GNB5: variants seen among roughly 807,000 people sequenced by gnomAD.
The protein encoded by GNB5 is G protein subunit beta 5.
Under a neutral mutation model 55.3 loss-of-function variants are expected in GNB5, and 37 were observed. That is an observed-to-expected ratio of 0.67 (90% CI 0.51 to 0.88). The LOEUF (loss-of-function observed/expected upper bound fraction) is 0.88, where lower values mean the gene tolerates loss of function less well. GNB5 is among the 40% of genes least tolerant of loss of function. The probability of loss-of-function intolerance (pLI) is 0.00; values close to 1 mark genes in which losing one functional copy is unlikely to be tolerated. For missense variants in GNB5, 476 were observed against 515.3 expected (o/e 0.92, Z 0.74); for synonymous variants, 219 against 198.5 (o/e 1.10, Z -0.87).
intron 7 of GNB5, chr15:52,139,886 G>A: frequency 1.6e-6 from 2 of 1,286,798 alleles, no homozygotes. Flanking sequence ...CTCCACAGAG[G>A]GGCTTCAGAT....
intron 7 of GNB5, chr15:52,137,788 T>G: frequency 8.0e-7 from 1 of 1,244,344 alleles, no homozygotes; most frequent in South Asian, 1.4e-5. Context: ...TGGAGCCAGC[T>G]GGGTACTGAC....
intron 3 of GNB5, among the ~76,000 whole-genome samples, chr15:52,163,378 G>A (rs1230871241): frequency 2.0e-5 from 3 of 152,172 alleles, no homozygotes; most frequent in Non-Finnish European, 2.9e-5. Context: ...GCTAAGCACC[G>A]TCGTTCAGCG....
rs974468499 is a variant in GNB5, at chr15:52,118,818, C to G, written c.*3939G>C. 7.0e-6 allele frequency: 1 copy of G among 143,854 alleles called. No homozygotes were observed. Among genetic ancestry groups the G allele is most frequent in the Non-Finnish European group, 1.5e-5 (1 of 67,480 alleles). 8.9% of individuals were successfully genotyped at this position (143,854 alleles called of 1,614,324 possible). Reference sequence around the variant, plus strand: ...CAGGAGGCGGAGGTTGAAGTGAGCCCGAGATCGCGCCACTGCACTCCAGCC... The same window carrying G: ...CAGGAGGCGGAGGTTGAAGTGAGCCGGAGATCGCGCCACTGCACTCCAGCC... On this transcript the variant is annotated 3_prime_UTR_variant, in exon 13 of 13. Transcript: ENST00000261837.
intron 12 of GNB5, chr15:52,123,761 T>C: frequency 6.6e-6 from 1 of 152,316 alleles, no homozygotes; most frequent in Non-Finnish European, 1.5e-5. Context: ...CAGGCTGGTC[T>C]GGAACTCCTG....
At chr15:52,163,832 G>C (rs1228276049) in intron 3 of GNB5, among the ~76,000 whole-genome samples, 1 of 152,216 alleles carries the variant, frequency 6.6e-6, no homozygotes, top group Non-Finnish European at 1.5e-5. Flanking sequence ...GTTCCAGCTG[G>C]CATCAGGTTG....
intron 7 of GNB5, chr15:52,140,006 G>A (rs1402664027): frequency 5.9e-6 from 7 of 1,191,420 alleles, no homozygotes; most frequent in Non-Finnish European, 7.5e-6. Context: ...CACTGCACCA[G>A]TCAGTGGCCA....
intron 3 of GNB5, among the ~76,000 whole-genome samples, chr15:52,176,952 C>G (rs1384244617): frequency 6.6e-5 from 10 of 152,094 alleles, no homozygotes; most frequent in African/African-American, 2.4e-4. Flanking sequence ...TCCAGACACA[C>G]CTGCCTCCTC....
chr15:52,172,850 G>A (rs76308537), intron 3 of GNB5, among the ~76,000 whole-genome samples: 4,024 of 152,186 alleles, frequency 0.026, 73 homozygotes, highest in Middle Eastern at 0.051. Context: ...AGTTCCTTGC[G>A]TATCCTTCCA....
At chr15:52,127,473 T>A (rs1014711019) in intron 10 of GNB5, among the ~76,000 whole-genome samples, 14 of 152,134 alleles carry the variant, frequency 9.2e-5, no homozygotes, top group Non-Finnish European at 1.8e-4. Context: ...CCATATATAT[T>A]TGTTATAATT....
At chr15:52,178,180 C>CT (rs2034689605) in intron 3 of GNB5, among the ~76,000 whole-genome samples, 1 of 152,230 alleles carries the variant, frequency 6.6e-6, no homozygotes, top group Non-Finnish European at 1.5e-5. Context: ...AGCTGGCACT[C>CT]TGATTGCCTG....
Position 52,177,028 on chromosome 15 carries a change from C to CTTTTT in GNB5, c.238+2735_238+2739dup, listed in dbSNP as rs545411940. Among the ~76,000 whole-genome samples, 250 of 77,834 alleles carry CTTTTT rather than the reference C, an allele frequency of 3.2e-3. 3 individuals are homozygous for CTTTTT. Among genetic ancestry groups the CTTTTT allele is most frequent in the African/African-American group, 3.6e-3 (73 of 20,092 alleles). 51.1% of individuals were successfully genotyped at this position (77,834 alleles called of 152,430 possible). A position where few individuals can be genotyped will look rare whatever the true frequency, so the allele number is the denominator to read the frequency against. Reference sequence around the variant, plus strand: ...TCCTGGGGCCTCTGCCTAGCTCCTCCTTTTTTTTTTTTTTTTTTTTTTTTG... The same window carrying CTTTTT: ...TCCTGGGGCCTCTGCCTAGCTCCTCCTTTTTTTTTTTTTTTTTTTTTTTTTTTTTG... On this transcript the variant is annotated intron_variant, in intron 3 of 12. Coordinates refer to ENST00000261837, the MANE Select transcript of GNB5 (RefSeq NM_016194.4).
chr15:52,142,519 G>A (rs1208317267), intron 6 of GNB5, among the ~76,000 whole-genome samples: 1 of 150,058 alleles, frequency 6.7e-6, no homozygotes, highest in Non-Finnish European at 1.5e-5. Context: ...TACATTTGAT[G>A]CTCAAATTAC....
At position 52,180,007 on chromosome 15, in the gene GNB5, C is replaced by T. The variant is rs1183400842; in HGVS notation, c.127-128G>A. 14 of 1,202,950 alleles carry T rather than the reference C, an allele frequency of 1.2e-5. No homozygotes were observed. The East Asian group carries it at 5.1e-4, about 43-fold the overall frequency. 74.5% of individuals were successfully genotyped at this position (1,202,950 alleles called of 1,614,324 possible). A position where few individuals can be genotyped will look rare whatever the true frequency, so the allele number is the denominator to read the frequency against. ...GCGGCCCCGCCCTCCGCGATGACGC[C>T]AGCAGCTGCGGGCCCGGCTGCTGCG... On this transcript the variant is annotated intron_variant, in intron 2 of 12. Coordinates refer to ENST00000261837, the MANE Select transcript of GNB5 (RefSeq NM_016194.4).
In GNB5 at chr15:52,137,889, T is replaced by C. The variant is rs139944643; in HGVS notation, c.628-2133A>G. The C allele has an allele frequency of 2.8e-4, 362 of 1,286,802 alleles. 1 individual carries two copies. The African/African-American group carries it at 5.0e-3, about 18-fold the overall frequency. The allele number at this position is 1,286,802 out of a possible 1,614,324, so 79.7% of individuals were successfully genotyped here. On this transcript the variant is annotated intron_variant, in intron 7 of 12. Transcript: ENST00000261837. ...TGAGGTGATAAGACCGTGGAGGAAG[T>C]GGCTCTTGCAGCATAAGTGTCCACA...
Position 52,127,365 on chromosome 15 carries a change from C to G in GNB5, c.912+831G>C, listed in dbSNP as rs139577797. On this transcript the variant is annotated intron_variant, in intron 10 of 12. Transcript: ENST00000261837. ...CTTTGTAAATGACCTGCATTTTACC[C>G]TCTTCTTTAATTGGAGTGTTCATTT... is the stretch of plus-strand genomic sequence containing the variant. Among the ~76,000 whole-genome samples, 421 of 152,280 alleles carry G rather than the reference C, an allele frequency of 2.8e-3. 1 individual carries two copies. The highest frequency in any genetic ancestry group is 9.8e-3 in the African/African-American group (407 of 41,560).
chr15:52,189,471 T>C (rs1218520715), intron 1 of GNB5, among the ~76,000 whole-genome samples: 1 of 152,060 alleles, frequency 6.6e-6, no homozygotes, highest in Non-Finnish European at 1.5e-5. Flanking sequence ...TCCCAGCTAC[T>C]TGGGAGGCTG....
chr15:52,164,308 TAA>T (rs56029917), intron 3 of GNB5, among the ~76,000 whole-genome samples: 256 of 50,412 alleles, frequency 5.1e-3, no homozygotes, highest in East Asian at 0.04. Flanking sequence ...GACTCTGTCT[TAA>T]AAAAAAAAAA....
At chr15:52,124,847 C>T in intron 11 of GNB5, 1 of 503,382 alleles carries the variant, frequency 2.0e-6, no homozygotes. Context: ...ATCACTGTAG[C>T]ATCCCATGGT....
chr15:52,190,879 A>G (rs1469324985), intron 1 of GNB5, among the ~76,000 whole-genome samples: 2 of 151,758 alleles, frequency 1.3e-5, no homozygotes, highest in East Asian at 3.9e-4. Flanking sequence ...AATGTTCACC[A>G]GTCACAGACG....
Sources: allele counts gnomAD v4.1 joint callset (sites outside exome capture counted in the v4.1 genomes callset), GRCh38; gene constraint gnomAD v4.1.1; transcripts MANE v1.5; gene names NCBI Gene and HGNC (gene_info 2026-07-23, HGNC 2026-07-21).